DYNLT3: variants seen among roughly 807,000 people sequenced by gnomAD.
The protein encoded by DYNLT3 is protein 91/23.
In DYNLT3, 4 loss-of-function variants were observed where a neutral mutation model predicts 11.0. The observed-to-expected ratio is 0.36, with a 90% CI of 0.18 to 0.83. The LOEUF (loss-of-function observed/expected upper bound fraction) is 0.83. DYNLT3 is among the 40% of genes least tolerant of loss of function. DYNLT3 has a pLI of 0.47. For missense variants in DYNLT3, 91 were observed against 91.1 expected, an observed-to-expected ratio of 1.00 and a Z score of 0.01; for synonymous variants, 37 against 31.2, an observed-to-expected ratio of 1.18 and a Z score of -0.61.
rs1930168397 is a variant in DYNLT3, at chrX:37,841,849, C to G, written c.129G>C (p.Trp43Cys). The change falls in exon 3 of 5, where the codon TGG (tryptophan) becomes TGC (cysteine). Residue 43 changes from tryptophan (W) to cysteine (C), a missense_variant. By Grantham distance (215) the Trp-to-Cys change is radical (BLOSUM62 -2). Transcript: ENST00000378578. The part of the protein sequence containing the change: ...EDYNHNNINQ[W>C]TASIVEQSLT... ...AGGATTGTTCCACTATGCTTGCAGT[C>G]CACTGGTTGATGTTGTTGTGATTAT... is the stretch of plus-strand genomic sequence containing the variant. The G allele has an allele frequency of 8.6e-7, 1 of 1,165,045 alleles. No individual in the cohort carries two copies. The highest frequency in any genetic ancestry group is 2.2e-5 in the Admixed American group (1 of 45,024).
intron 3 of DYNLT3, 126 bp downstream of exon 3, chrX:37,841,656 C>A: frequency 1.4e-6 from 1 of 702,627 alleles, no homozygotes; most frequent in Non-Finnish European, 1.9e-6. Flanking sequence ...ATGAGTAAAT[C>A]AGAAGTCCTT....
At chrX:37,846,571 A>AT (rs201428720) in intron 1 of DYNLT3, among the ~76,000 whole-genome samples, 1,211 of 110,699 alleles carry the variant, frequency 0.011, 15 homozygotes, top group African/African-American at 0.037. Flanking sequence ...GCAAGTCTAC[A>AT]TTTTTTTTTA....
Position 37,839,318 on chromosome X carries a change from C to T in DYNLT3, c.*1257G>A, listed in dbSNP as rs949441600. 3.6e-5 allele frequency: 4 copies of T among 111,859 alleles called. No homozygotes were observed. The highest frequency in any genetic ancestry group is 7.5e-5 in the Non-Finnish European group (4 of 53,109). The allele number at this position is 111,859 out of a possible 1,213,427, so 9.2% of individuals were successfully genotyped here. A position where few individuals can be genotyped will look rare whatever the true frequency, so the allele number is the denominator to read the frequency against. ...TCAGGGTTAAGTAGCAGATTGACTT[C>T]GCATTTGGTGGCCAGCTGTGTACCC... On this transcript the variant is annotated 3_prime_UTR_variant, in exon 5 of 5. Transcript: ENST00000378578.
At position 37,847,082 on chromosome X, in the gene DYNLT3, C is replaced by G. The variant is rs775749804; in HGVS notation, c.30+399G>C. The G allele has an allele frequency of 3.5e-5, 41 of 1,165,966 alleles. No individual in the cohort carries two copies. The South Asian group carries it at 7.4e-4, about 21-fold the overall frequency. On this transcript the variant is annotated intron_variant, in intron 1 of 4. Transcript: ENST00000378578. ...GCAGTGCCACCAGGACCCCGAGACT[C>G]CGAGCCATGGGGGCTGCAGCACCCG...
In DYNLT3 at chrX:37,841,932, T is replaced by C. The variant is rs886084563; in HGVS notation, c.73-27A>G. ...TAAAAGGGCACAGAGGGCAGTTAAT[T>C]TAGTCAGTAAAATTGTTCAAAAAGA... On this transcript the variant is annotated intron_variant, in intron 2 of 4. Transcript: ENST00000378578. 4 of 1,076,480 alleles carry C rather than the reference T, an allele frequency of 3.7e-6. No individual in the cohort carries two copies. In the Middle Eastern group the frequency reaches 1.0e-3, roughly 282 times the overall value. The allele number at this position is 1,076,480 out of a possible 1,213,427, so 88.7% of individuals were successfully genotyped here.
chrX:37,841,698 A>G (rs1930163473), intron 3 of DYNLT3, 84 bp downstream of exon 3: 1 of 1,000,588 alleles, frequency 1.0e-6, no homozygotes, highest in Non-Finnish European at 1.3e-6. Context: ...TTAAATGTCT[A>G]TTGTACATAT....
rs1930168243 is a variant in DYNLT3 at position 37,841,842 on chromosome X, T to TGCATGTTCCACTA, written c.135_136insTAGTGGAACATGC (p.Ser46Ter). The TGCATGTTCCACTA allele has an allele frequency of 8.5e-7, 1 of 1,170,982 alleles. No individual in the cohort carries two copies. Among genetic ancestry groups the TGCATGTTCCACTA allele is most frequent in the Non-Finnish European group, 1.2e-6 (1 of 868,920 alleles). On this transcript the variant is annotated stop_gained and frameshift_variant, in exon 3 of 5. Transcript: ENST00000378578. LOFTEE classifies it high-confidence loss of function. ...TGTGTTAAGGATTGTTCCACTATGC[T>TGCATGTTCCACTA]TGCAGTCCACTGGTTGATGTTGTTG...
chrX:37,840,556 G>C lies in DYNLT3; in HGVS notation c.*19C>G, dbSNP rs759963079. ...ACAAATTCTTAAGTTAATGGCTTTA[G>C]CCCAACATTTTTAGTCAGTTAAAGA... On this transcript the variant is annotated 3_prime_UTR_variant, in exon 5 of 5. Transcript: ENST00000378578. The C allele has an allele frequency of 8.5e-7, 1 of 1,179,331 alleles. No homozygotes were observed. Among genetic ancestry groups the C allele is most frequent in the Non-Finnish European group, 1.1e-6 (1 of 878,506 alleles).
At chrX:37,846,936 A>G (rs1206388048) in intron 1 of DYNLT3, 10 of 1,084,642 alleles carry the variant, frequency 9.2e-6, no homozygotes, top group Admixed American at 5.2e-5. Flanking sequence ...ACAGGGAGAT[A>G]ACAACTGACA....
intron 2 of DYNLT3, among the ~76,000 whole-genome samples, chrX:37,845,433 T>G (rs1000655595): frequency 1.8e-5 from 2 of 112,311 alleles, no homozygotes; most frequent in Non-Finnish European, 3.8e-5. Flanking sequence ...AGGTAATTTC[T>G]TTTCTATTTG....
Position 37,846,259 on chromosome X carries a change from C to G in DYNLT3, c.72+58G>C, listed in dbSNP as rs1930264504. On this transcript the variant is annotated intron_variant, in intron 2 of 4. Coordinates refer to ENST00000378578, the MANE Select transcript of DYNLT3 (RefSeq NM_006520.3). Reference sequence around the variant, plus strand: ...GTTTGTGCTGAAACTCAAAATATAGCTTTTAAAAATCTCCACCAGTGCAGC... The same window carrying G: ...GTTTGTGCTGAAACTCAAAATATAGGTTTTAAAAATCTCCACCAGTGCAGC... 2.7e-6 allele frequency: 3 copies of G among 1,108,955 alleles called. No individual in the cohort carries two copies. In the Admixed American group the frequency reaches 7.4e-5, roughly 27 times the overall value. The allele number at this position is 1,108,955 out of a possible 1,213,427, so 91.4% of individuals were successfully genotyped here. A position where few individuals can be genotyped will look rare whatever the true frequency, so the allele number is the denominator to read the frequency against.
In DYNLT3 at chrX:37,840,591, A is replaced by G. The variant is rs779320367; in HGVS notation, c.335T>C (p.Ile112Thr). The change falls in exon 5 of 5, where the codon ATT becomes ACT. Residue 112 changes from isoleucine (I) to threonine (T), a missense_variant. Coordinates refer to ENST00000378578, the MANE Select transcript of DYNLT3 (RefSeq NM_006520.3). ...TTTAGTCAGTTAAAGAACAATAGCA[A>G]TGGCAAAAACGTTGACAATACAGTT... Reference protein sequence around the residue: ...TMNCIVNVFAIAIVL With the variant: ...TMNCIVNVFATAIVL The G allele has an allele frequency of 7.5e-6, 9 of 1,201,873 alleles. No individual in the cohort carries two copies. Among genetic ancestry groups the G allele is most frequent in the Non-Finnish European group, 1.0e-5 (9 of 891,820 alleles).
Position 37,841,802 on chromosome X carries a change from C to T in DYNLT3, c.176G>A (p.Gly59Glu). 8.5e-7 allele frequency: 1 copy of T among 1,172,520 alleles called. No homozygotes were observed. Among genetic ancestry groups the T allele is most frequent in the Non-Finnish European group, 1.2e-6 (1 of 868,377 alleles). The change falls in exon 3 of 5, where the codon GGA becomes GAA. Residue 59 changes from glycine to glutamate, a missense_variant. Physicochemically the swap from Gly to Glu is moderately conservative, Grantham distance 98. Transcript: ENST00000378578. Reference protein sequence around the residue: ...EQSLTHLVKLGKAYKYIVTCA... With the variant: ...EQSLTHLVKLEKAYKYIVTCA... ...CTTACCAATATATTTATAGGCTTTT[C>T]CCAACTTAACCAGGTGTGTTAAGGA...
Position 37,840,581 on chromosome X carries a change from A to T in DYNLT3, c.345T>A (p.Val115=). 1.7e-6 allele frequency: 2 copies of T among 1,202,862 alleles called. No individual in the cohort carries two copies. The highest frequency in any genetic ancestry group is 2.2e-6 in the Non-Finnish European group (2 of 891,121). ...CIVNVFAIAI[V]L ...GCCCAACATTTTTAGTCAGTTAAAG[A>T]ACAATAGCAATGGCAAAAACGTTGA... The change falls in exon 5 of 5, where the codon GTT becomes GTA. Residue 115 remains valine, a synonymous_variant. Transcript: ENST00000378578.
Position 37,840,121 on chromosome X carries a change from G to A in DYNLT3, c.*454C>T, listed in dbSNP as rs1293981488. On this transcript the variant is annotated 3_prime_UTR_variant, in exon 5 of 5. Coordinates refer to ENST00000378578, the MANE Select transcript of DYNLT3 (RefSeq NM_006520.3). ...AAATATTAAGTACAACTGAGGGGAA[G>A]AAAGTTTAAAAAAACTTAAAAATGT... is the stretch of plus-strand genomic sequence containing the variant. The A allele has an allele frequency of 5.4e-5, 6 of 111,815 alleles. 1 individual carries two copies. The Admixed American group carries it at 5.7e-4, about 11-fold the overall frequency. The allele number at this position is 111,815 out of a possible 1,213,427, so 9.2% of individuals were successfully genotyped here.
chrX:37,841,016 A>C lies in DYNLT3; in HGVS notation c.274+12T>G. On this transcript the variant is annotated intron_variant, in intron 4 of 4. Transcript: ENST00000378578. ...AGTTGGATTTTGTGTAAATCAGCTTAAGATCTCTTACCATCAGATGTGGTA... is the reference window on the plus strand; with the variant it reads ...AGTTGGATTTTGTGTAAATCAGCTTCAGATCTCTTACCATCAGATGTGGTA... 1 of 1,208,997 alleles carries C rather than the reference A, an allele frequency of 8.3e-7. No homozygotes were observed. The highest frequency in any genetic ancestry group is 1.8e-5 in the South Asian group (1 of 56,638).
chrX:37,840,997 A>C (rs1400767407), intron 4 of DYNLT3, 31 bp downstream of exon 4: 1 of 1,197,842 alleles, frequency 8.3e-7, no homozygotes, highest in Non-Finnish European at 1.1e-6. Flanking sequence ...TAAAAGTTGG[A>C]TTTTGTGTAA....
rs1930120253 is a variant in DYNLT3, at chrX:37,840,486, G to A, written c.*89C>T. 2.5e-6 allele frequency: 2 copies of A among 812,532 alleles called. No individual in the cohort carries two copies. Among genetic ancestry groups the A allele is most frequent in the Non-Finnish European group, 3.4e-6 (2 of 586,941 alleles). The allele number at this position is 812,532 out of a possible 1,213,427, so 67.0% of individuals were successfully genotyped here. ...AAGCATATTGCACGCTTTTCATCTAGCACACTAGTAAACAACTATTACTCT... is the reference window on the plus strand; with the variant it reads ...AAGCATATTGCACGCTTTTCATCTAACACACTAGTAAACAACTATTACTCT... On this transcript the variant is annotated 3_prime_UTR_variant, in exon 5 of 5. Coordinates refer to ENST00000378578, the MANE Select transcript of DYNLT3 (RefSeq NM_006520.3).
Position 37,841,915 on chromosome X carries a change from C to A in DYNLT3, c.73-10G>T. 9.2e-7 allele frequency: 1 copy of A among 1,090,735 alleles called. No individual in the cohort carries two copies. Among genetic ancestry groups the A allele is most frequent in the Non-Finnish European group, 1.2e-6 (1 of 822,103 alleles). The allele number at this position is 1,090,735 out of a possible 1,213,427, so 89.9% of individuals were successfully genotyped here. A position where few individuals can be genotyped will look rare whatever the true frequency, so the allele number is the denominator to read the frequency against. On this transcript the variant is annotated splice_polypyrimidine_tract_variant and intron_variant, in intron 2 of 4. Coordinates refer to ENST00000378578, the MANE Select transcript of DYNLT3 (RefSeq NM_006520.3). ...AAACCCCATCTACACACTAAAAGGGCACAGAGGGCAGTTAATTTAGTCAGT... is the reference window on the plus strand; with the variant it reads ...AAACCCCATCTACACACTAAAAGGGAACAGAGGGCAGTTAATTTAGTCAGT...
Sources: gnomAD v4.1 joint callset for allele counts (sites outside exome capture counted in the v4.1 genomes callset) on GRCh38, gnomAD v4.1.1 for gene constraint, MANE v1.5 for transcripts, NCBI Gene and HGNC (gene_info 2026-07-23, HGNC 2026-07-21) for gene names.